Variants in GABBR2 observed in about 807,000 individuals in gnomAD.
The protein encoded by GABBR2 is gamma-aminobutyric acid type B receptor subunit 2, also known as G-protein coupled receptor 51.
In GABBR2, 23 loss-of-function variants were observed where a neutral mutation model predicts 105.6. The ratio of observed to expected loss-of-function variants is 0.22; its 90% CI spans 0.16 to 0.31. The LOEUF (loss-of-function observed/expected upper bound fraction) is 0.31, where lower values mean the gene tolerates loss of function less well. Among genes scored for constraint, GABBR2 ranks in the 10% least tolerant of loss-of-function variants. The probability of loss-of-function intolerance (pLI) is 1.00; values close to 1 mark genes in which losing one functional copy is unlikely to be tolerated. For synonymous variants in GABBR2, 478 were observed against 499.7 expected (o/e 0.96, Z 0.58); for missense variants, 734 against 1,245.5 (o/e 0.59, Z 6.18).
Position 98,308,588 on chromosome 9 carries a change from C to T in GABBR2, c.2005-2243G>A, listed in dbSNP as rs74451921. Among the ~76,000 whole-genome samples the T allele has an allele frequency of 2.8e-3, 424 of 152,250 alleles. 2 individuals carry two copies. The highest frequency in any genetic ancestry group is 9.7e-3 in the African/African-American group (401 of 41,546). On this transcript the variant is annotated intron_variant, in intron 14 of 18. Coordinates refer to ENST00000259455, the MANE Select transcript of GABBR2 (RefSeq NM_005458.8). ...GACCCCAAATCCAATGATAAGTGTC[C>T]TTATAAAGGACACACAAAGGAGACC...
chr9:98,580,873 T>A (rs1401729541), intron 1 of GABBR2, among the ~76,000 whole-genome samples: 1 of 152,216 alleles, frequency 6.6e-6, no homozygotes, highest in Non-Finnish European at 1.5e-5. Flanking sequence ...CTTATTTTTG[T>A]CTTTCTCTCC....
chr9:98,584,822 C>T (rs1309686171), intron 1 of GABBR2, among the ~76,000 whole-genome samples: 2 of 152,042 alleles, frequency 1.3e-5, no homozygotes, highest in Non-Finnish European at 2.9e-5. Context: ...TTAGAAAGTC[C>T]CCTCTGGGTC....
intron 1 of GABBR2, among the ~76,000 whole-genome samples, chr9:98,707,855 G>T (rs1830919192): frequency 6.6e-6 from 1 of 152,230 alleles, no homozygotes; most frequent in Non-Finnish European, 1.5e-5. Context: ...TTGCCCGCGC[G>T]GAGCGGGCTC....
chr9:98,602,094 G>A (rs531644955), intron 1 of GABBR2, among the ~76,000 whole-genome samples: 11 of 151,848 alleles, frequency 7.2e-5, no homozygotes, highest in Non-Finnish European at 1.2e-4. Context: ...TCACCCTCCC[G>A]GGCTCAAGCA....
intron 1 of GABBR2, among the ~76,000 whole-genome samples, chr9:98,635,017 G>A (rs1829859018): frequency 6.6e-6 from 1 of 152,130 alleles, no homozygotes; most frequent in Admixed American, 6.5e-5. Context: ...TCTGAGAGCT[G>A]GCCTGCTTTC....
At chr9:98,396,082 C>T (rs1465771412) in intron 8 of GABBR2, among the ~76,000 whole-genome samples, 1 of 152,196 alleles carries the variant, frequency 6.6e-6, no homozygotes, top group Non-Finnish European at 1.5e-5. Context: ...GGACATTTTC[C>T]ATAGCCCATG....
At chr9:98,479,067 A>C (rs1443528415) in intron 5 of GABBR2, among the ~76,000 whole-genome samples, 2 of 152,140 alleles carry the variant, frequency 1.3e-5, no homozygotes, top group African/African-American at 4.8e-5. Context: ...TGAGTTTTGG[A>C]GTAAAATTTT....
At chr9:98,506,752 C>G (rs1385798072) in intron 3 of GABBR2, among the ~76,000 whole-genome samples, 3 of 152,196 alleles carry the variant, frequency 2.0e-5, no homozygotes, top group Non-Finnish European at 4.4e-5. Context: ...GACCTGAGAC[C>G]TGCCCAGCTA....
In GABBR2 at chr9:98,374,568, G is replaced by T. The variant is rs959737105; in HGVS notation, c.1663-2997C>A. 2.6e-5 allele frequency among the ~76,000 whole-genome samples: 4 copies of T among 152,120 alleles called. No homozygotes were observed. In the East Asian group the frequency reaches 5.8e-4, roughly 22 times the overall value. ...TATGCTGAACACTGCCTTCCTTCTG[G>T]GAGTCTGGAATTTTGTTACATAGTA... On this transcript the variant is annotated intron_variant, in intron 11 of 18. Coordinates refer to ENST00000259455, the MANE Select transcript of GABBR2 (RefSeq NM_005458.8).
chr9:98,602,937 G>T (rs1012460998), intron 1 of GABBR2, among the ~76,000 whole-genome samples: 1 of 152,180 alleles, frequency 6.6e-6, no homozygotes, highest in Non-Finnish European at 1.5e-5. Flanking sequence ...AAGTCACTTT[G>T]CTTCTCTGGG....
intron 3 of GABBR2, among the ~76,000 whole-genome samples, chr9:98,514,035 A>C (rs1387636952): frequency 6.6e-6 from 1 of 151,864 alleles, no homozygotes; most frequent in Non-Finnish European, 1.5e-5. Context: ...CTGGATTAAG[A>C]AAATGTGGCA....
At chr9:98,335,538 C>G (rs534887055) in intron 13 of GABBR2, among the ~76,000 whole-genome samples, 1 of 152,106 alleles carries the variant, frequency 6.6e-6, no homozygotes, top group Non-Finnish European at 1.5e-5. Context: ...ATGCACAGGG[C>G]CCTTTCTAAG....
At chr9:98,617,996 TA>T (rs1211759057) in intron 1 of GABBR2, among the ~76,000 whole-genome samples, 1 of 152,162 alleles carries the variant, frequency 6.6e-6, no homozygotes, top group Non-Finnish European at 1.5e-5. Context: ...TCTGTGAGGA[TA>T]AAAAATGGGT....
At position 98,355,301 on chromosome 9, in the gene GABBR2, C is replaced by T. The variant is rs187277468; in HGVS notation, c.1893+7414G>A. Among the ~76,000 whole-genome samples the T allele has an allele frequency of 2.0e-3, 307 of 151,476 alleles. 3 individuals are homozygous for T. Among genetic ancestry groups the T allele is most frequent in the African/African-American group, 7.1e-3 (291 of 41,262 alleles). ...ATTATCAACATGTGACACCGAGACA[C>T]AAAGTGAGTAAACGCTATCAGAAAA... On this transcript the variant is annotated intron_variant, in intron 13 of 18. Transcript: ENST00000259455.
intron 4 of GABBR2, among the ~76,000 whole-genome samples, chr9:98,493,845 T>TG (rs1190429764): frequency 6.6e-6 from 1 of 152,118 alleles, no homozygotes; most frequent in Non-Finnish European, 1.5e-5. Flanking sequence ...GGGTTTTAGG[T>TG]GATGGGAAAC....
At chr9:98,339,307 C>T (rs902260522) in intron 13 of GABBR2, among the ~76,000 whole-genome samples, 1 of 141,454 alleles carries the variant, frequency 7.1e-6, no homozygotes, top group Admixed American at 7.0e-5. Context: ...AAAAAAGAAA[C>T]AAAAAGAAAA....
intron 1 of GABBR2, among the ~76,000 whole-genome samples, chr9:98,683,256 G>A (rs1261555447): frequency 6.6e-6 from 1 of 152,230 alleles, no homozygotes; most frequent in African/African-American, 2.4e-5. Flanking sequence ...GCCATGTCCA[G>A]CTAATTTTTC....
chr9:98,436,783 T>C (rs928083877), intron 7 of GABBR2, among the ~76,000 whole-genome samples: 4 of 152,126 alleles, frequency 2.6e-5, no homozygotes, highest in African/African-American at 9.7e-5. Context: ...AGAAGAAAAC[T>C]AGTTCATCAC....
At chr9:98,707,969 C>T (rs1387358263) in intron 1 of GABBR2, among the ~76,000 whole-genome samples, 9 of 152,220 alleles carry the variant, frequency 5.9e-5, no homozygotes, top group Admixed American at 5.2e-4. Context: ...TCCCTGGGGG[C>T]CTGTGAGCAG....
Sources: allele counts gnomAD v4.1 joint callset (sites outside exome capture counted in the v4.1 genomes callset), GRCh38; gene constraint gnomAD v4.1.1; transcripts MANE v1.5; gene names NCBI Gene and HGNC (gene_info 2026-07-23, HGNC 2026-07-21).